Variants in KCNS3 observed in about 807,000 individuals in gnomAD.
KCNS3 encodes potassium voltage-gated channel modifier subfamily S member 3.
A neutral mutation model predicts 31.0 loss-of-function variants in KCNS3; 13 were observed. The ratio of observed to expected loss-of-function variants is 0.42; its 90% CI spans 0.27 to 0.67. The LOEUF (loss-of-function observed/expected upper bound fraction) is 0.67, where lower values mean the gene tolerates loss of function less well. Among genes scored for constraint, KCNS3 ranks in the 30% least tolerant of loss-of-function variants. KCNS3 has a pLI of 0.25. For synonymous variants in KCNS3, 238 were observed against 241.5 expected (o/e 0.99, Z 0.13); for missense variants, 545 against 622.4 (o/e 0.88, Z 1.32).
At chr2:17,913,121 T>C (rs903938132) in intron 1 of KCNS3, among the ~76,000 whole-genome samples, 1 of 66,506 alleles carries the variant, frequency 1.5e-5, no homozygotes, top group African/African-American at 4.9e-5. Flanking sequence ...ATGATTATGA[T>C]ATTTTAATTT....
intron 1 of KCNS3, among the ~76,000 whole-genome samples, chr2:17,906,709 A>C (rs549868908): frequency 1.3e-5 from 2 of 152,018 alleles, no homozygotes; most frequent in African/African-American, 4.8e-5. Flanking sequence ...CCTTCATTTC[A>C]TTATGTACCC....
chr2:17,893,990 G>A (rs905122642), intron 1 of KCNS3, among the ~76,000 whole-genome samples: 4 of 134,316 alleles, frequency 3.0e-5, no homozygotes, highest in African/African-American at 1.2e-4. Context: ...ATGGGGGTTT[G>A]AAGTAAAGAG....
chr2:17,923,035 A>G (rs1662754612), intron 2 of KCNS3, among the ~76,000 whole-genome samples: 1 of 152,188 alleles, frequency 6.6e-6, no homozygotes, highest in South Asian at 2.1e-4. Context: ...TGCTTTCTCA[A>G]GTGGCTGTAC....
rs772832427 is a variant in KCNS3 at position 17,931,165 on chromosome 2, A to G, written c.157A>G (p.Ile53Val). The change falls in exon 3 of 3, where the codon ATT (isoleucine) becomes GTT (valine). Residue 53 changes from isoleucine (I) to valine (V), a missense_variant. Physicochemically the swap from Ile to Val is conservative, Grantham distance 29 (BLOSUM62 3). Transcript: ENST00000304101. This position sits in a 1 kb window ranked among gnomAD's most constrained non-coding sequence, Gnocchi z 5.4. ...KLLTCHSEEAILELCDDYSVA... is the reference protein window; with the variant it reads ...KLLTCHSEEAVLELCDDYSVA... Reference sequence around the variant, plus strand: ...GCTTACTTGCCATTCTGAAGAGGCCATTCTGGAGCTGTGTGATGATTACAG... The same window carrying G: ...GCTTACTTGCCATTCTGAAGAGGCCGTTCTGGAGCTGTGTGATGATTACAG... The G allele has an allele frequency of 1.9e-6, 3 of 1,614,200 alleles. No homozygotes were observed. The highest frequency in any genetic ancestry group is 1.7e-6 in the Non-Finnish European group (2 of 1,180,032).
At chr2:17,887,526 T>TCTATCTAC (rs1661697020) in intron 1 of KCNS3, among the ~76,000 whole-genome samples, 1 of 151,730 alleles carries the variant, frequency 6.6e-6, no homozygotes, top group African/African-American at 2.4e-5. Context: ...TATCTATCTA[T>TCTATCTAC]CTATCTCTGT....
chr2:17,879,777 G>A (rs1375095088), intron 1 of KCNS3, among the ~76,000 whole-genome samples: 1 of 152,350 alleles, frequency 6.6e-6, no homozygotes, highest in East Asian at 1.9e-4. Context: ...CGAGCCGAAA[G>A]CTTCACTCGG....
chr2:17,897,999 A>C (rs983351979), intron 1 of KCNS3, among the ~76,000 whole-genome samples: 27 of 152,212 alleles, frequency 1.8e-4, no homozygotes, highest in African/African-American at 5.5e-4. Context: ...TAGGGGTTCA[A>C]ATTTGTTCTT....
chr2:17,893,915 C>T (rs1233391472), intron 1 of KCNS3, among the ~76,000 whole-genome samples: 3 of 149,686 alleles, frequency 2.0e-5, no homozygotes, highest in African/African-American at 7.4e-5. Context: ...GTCCTTCCTC[C>T]CCTCTGCCAT....
At chr2:17,886,742 GTCCATCCATCCATCCATCCATCCA>G (rs35391429) in intron 1 of KCNS3, among the ~76,000 whole-genome samples, 2 of 146,932 alleles carry the variant, frequency 1.4e-5, no homozygotes, top group Non-Finnish European at 1.5e-5. Context: ...CCATTTAAAT[GTCCATCCATCCATCCATCCATCCA>G]TCCATCCATC....
chr2:17,882,951 G>A (rs1262148262), intron 1 of KCNS3, among the ~76,000 whole-genome samples: 3 of 152,102 alleles, frequency 2.0e-5, no homozygotes, highest in African/African-American at 4.8e-5. Context: ...ACTAGGCTAG[G>A]TTGTGGTATT....
chr2:17,889,195 A>G (rs1322649427), intron 1 of KCNS3, among the ~76,000 whole-genome samples: 1 of 152,052 alleles, frequency 6.6e-6, no homozygotes, highest in Non-Finnish European at 1.5e-5. Context: ...AGCTATTGTA[A>G]AAGGGGTTGA....
chr2:17,881,987 G>A (rs1674654790), intron 1 of KCNS3, among the ~76,000 whole-genome samples: 1 of 152,224 alleles, frequency 6.6e-6, no homozygotes, highest in African/African-American at 2.4e-5. Flanking sequence ...ATTATGGTGA[G>A]TTTCAGAAAA....
At chr2:17,905,496 T>C (rs913251230) in intron 1 of KCNS3, among the ~76,000 whole-genome samples, 2 of 152,202 alleles carry the variant, frequency 1.3e-5, no homozygotes, top group African/African-American at 4.8e-5. Context: ...TCCAACACTA[T>C]GTTGAATAGG....
chr2:17,912,731 C>G (rs1338623916), intron 1 of KCNS3, among the ~76,000 whole-genome samples: 1 of 152,190 alleles, frequency 6.6e-6, no homozygotes, highest in African/African-American at 2.4e-5. Flanking sequence ...CTTGGGATTC[C>G]TGCAGTTGGT....
At position 17,932,194 on chromosome 2, in the gene KCNS3, TTGG is replaced by T; in HGVS notation, c.1193_1195del (p.Val398del). 1 of 1,614,038 alleles carries T rather than the reference TTGG, an allele frequency of 6.2e-7. No homozygotes were observed. Among genetic ancestry groups the T allele is most frequent in the Non-Finnish European group, 8.5e-7 (1 of 1,179,964 alleles). On this transcript the variant is annotated inframe_deletion, in exon 3 of 3. Coordinates refer to ENST00000304101, the MANE Select transcript of KCNS3 (RefSeq NM_002252.5). ...CAGCACATGCATCATCTGTGGCATCTTGGTGGTGGCCCTTCCCATCACCATCAT... is the reference window on the plus strand; with the variant it reads ...CAGCACATGCATCATCTGTGGCATCTTGGTGGCCCTTCCCATCACCATCAT...
chr2:17,920,937 C>T (rs925268851), intron 2 of KCNS3, among the ~76,000 whole-genome samples: 9 of 152,242 alleles, frequency 5.9e-5, no homozygotes, highest in East Asian at 3.9e-4. Flanking sequence ...AAGAGTCTGC[C>T]GCATAAAAGG....
intron 1 of KCNS3, among the ~76,000 whole-genome samples, chr2:17,908,537 T>A (rs569137672): frequency 8.5e-5 from 13 of 152,366 alleles, no homozygotes; most frequent in Admixed American, 3.3e-4. Flanking sequence ...AGAGGTACTC[T>A]GATTTTTAGA....
At chr2:17,903,782 T>C (rs1662246137) in intron 1 of KCNS3, among the ~76,000 whole-genome samples, 1 of 152,226 alleles carries the variant, frequency 6.6e-6, no homozygotes, top group African/African-American at 2.4e-5. Flanking sequence ...ACAAAGGACA[T>C]GAACTCATCC....
intron 1 of KCNS3, among the ~76,000 whole-genome samples, chr2:17,895,529 C>A (rs544822296): frequency 6.6e-6 from 1 of 152,164 alleles, no homozygotes; most frequent in Non-Finnish European, 1.5e-5. Context: ...ACATTTTGAG[C>A]AGGAAAACCC....
Sources: allele counts gnomAD v4.1 joint callset (sites outside exome capture counted in the v4.1 genomes callset), GRCh38; gene constraint gnomAD v4.1.1; non-coding constraint Gnocchi (gnomAD v3.1); transcripts MANE v1.5; gene names NCBI Gene and HGNC (gene_info 2026-07-23, HGNC 2026-07-21).